Variants in TBC1D2 observed in about 807,000 individuals in gnomAD.
TBC1D2 encodes the protein TBC1 domain family member 2A.
In TBC1D2, 58 loss-of-function variants were observed where a neutral mutation model predicts 91.1. The observed-to-expected ratio is 0.64, with a 90% confidence interval of 0.52 to 0.79. The LOEUF (loss-of-function observed/expected upper bound fraction) is 0.79, where lower values mean the gene tolerates loss of function less well. Ranked by LOEUF, TBC1D2 falls within the 30% of genes least tolerant of loss-of-function variation. The pLI is 0.00. For synonymous variants in TBC1D2, 482 were observed against 511.5 expected (o/e 0.94, Z 0.78); for missense variants, 1,080 against 1,208.3 (o/e 0.89, Z 1.57).
chr9:98,219,475 T>G (rs7041802), intron 6 of TBC1D2, among the ~76,000 whole-genome samples: 60,720 of 152,078 alleles, frequency 0.4, 12,377 homozygotes, highest in African/African-American at 0.43. Context: ...GTGGCTTAAT[T>G]ATGAGGATAC....
intron 3 of TBC1D2, among the ~76,000 whole-genome samples, chr9:98,241,438 T>C (rs1829633688): frequency 6.6e-6 from 1 of 152,126 alleles, no homozygotes; most frequent in Admixed American, 6.5e-5. Flanking sequence ...CACAAGGGTG[T>C]AGGACACAAA....
chr9:98,206,569 C>T (rs1429293004), intron 9 of TBC1D2, among the ~76,000 whole-genome samples: 1 of 152,144 alleles, frequency 6.6e-6, no homozygotes, highest in Non-Finnish European at 1.5e-5. Context: ...GAGAAGGTTA[C>T]ATCCACATAG....
intron 7 of TBC1D2, among the ~76,000 whole-genome samples, chr9:98,211,765 C>T (rs1828846748): frequency 6.6e-6 from 1 of 151,920 alleles, no homozygotes; most frequent in Non-Finnish European, 1.5e-5. Flanking sequence ...GGGCTGCTTC[C>T]TGAGTCCCAT....
intron 6 of TBC1D2, among the ~76,000 whole-genome samples, chr9:98,217,411 GCTGCCTGAC>G (rs1223661853): frequency 1.2e-4 from 19 of 152,364 alleles, no homozygotes; most frequent in South Asian, 4.1e-4. Context: ...CCTGCCTCTT[GCTGCCTGAC>G]CCTGGGCCAG....
rs1386827032 is a variant in TBC1D2, at chr9:98,244,116, T to C, written c.525A>G (p.Ala175=). The part of the protein sequence containing the change: ...VLHLELGQEE[A]ELEEFLCPVK... Reference sequence around the variant, plus strand: ...CAGGGCACAGGAACTCCTCCAGCTCTGCCTCTTCTTGCCCTGGGAACAAAG... The same window carrying C: ...CAGGGCACAGGAACTCCTCCAGCTCCGCCTCTTCTTGCCCTGGGAACAAAG... The change falls in exon 3 of 13, where the codon GCA becomes GCG. Residue 175 remains alanine, a synonymous_variant. Transcript: ENST00000465784. The C allele has an allele frequency of 6.2e-7, 1 of 1,613,100 alleles. No individual in the cohort carries two copies.
intron 3 of TBC1D2, among the ~76,000 whole-genome samples, chr9:98,233,864 C>G (rs1004274625): frequency 5.9e-5 from 9 of 152,226 alleles, no homozygotes; most frequent in African/African-American, 2.2e-4. Flanking sequence ...GTTTTGTTAA[C>G]TGATGCACCT....
At chr9:98,242,858 G>A (rs978971206) in intron 3 of TBC1D2, among the ~76,000 whole-genome samples, 1 of 135,980 alleles carries the variant, frequency 7.4e-6, no homozygotes, top group Admixed American at 7.9e-5. Flanking sequence ...TGTTGCTCAG[G>A]CTAGGATGAA....
chr9:98,208,236 G>A (rs1828707393), intron 9 of TBC1D2, among the ~76,000 whole-genome samples: 1 of 152,096 alleles, frequency 6.6e-6, no homozygotes, highest in South Asian at 2.1e-4. Flanking sequence ...GGGAACCTAG[G>A]CTCATGTCTT....
At chr9:98,254,281 C>T (rs1358134506) in intron 1 of TBC1D2, among the ~76,000 whole-genome samples, 1 of 150,086 alleles carries the variant, frequency 6.7e-6, no homozygotes, top group African/African-American at 2.5e-5. Flanking sequence ...GACACCTCCT[C>T]TTGACATTAG....
chr9:98,201,548 G>A lies in TBC1D2; in HGVS notation c.2388C>T (p.Val796=). The stretch of plus-strand genomic sequence containing the variant: ...TGTTGCTAATGAGACTGTCCGCAAA[G>A]ACCACGAGGAACCAGTTGAAGGTGA... ...SLVTFNWFLV[V]FADSLISNIL... is the part of the protein sequence containing the mutation. The change falls in exon 11 of 13, where the codon GTC becomes GTT. Residue 796 remains valine (V), a synonymous_variant. Coordinates refer to ENST00000465784, the MANE Select transcript of TBC1D2 (RefSeq NM_001267571.2). The A allele has an allele frequency of 6.2e-7, 1 of 1,614,172 alleles. No homozygotes were observed. Among genetic ancestry groups the A allele is most frequent in the African/African-American group, 1.3e-5 (1 of 75,048 alleles).
chr9:98,207,066 G>T (rs10818610), intron 9 of TBC1D2, among the ~76,000 whole-genome samples: 1 of 152,002 alleles, frequency 6.6e-6, no homozygotes. Flanking sequence ...TGTGGCAGAC[G>T]TTTAGTGTGG....
At chr9:98,235,651 G>A in intron 3 of TBC1D2, 1 of 347,298 alleles carries the variant, frequency 2.9e-6, no homozygotes, top group South Asian at 2.3e-5. Context: ...CCAAAATACG[G>A]TCCTTCCTAA....
chr9:98,232,334 C>CTTTTTTTTTTTTTTTTTTT (rs1564251655), intron 4 of TBC1D2, among the ~76,000 whole-genome samples: 1 of 62,916 alleles, frequency 1.6e-5, no homozygotes, highest in Admixed American at 1.5e-4. Context: ...TCTTCTTTCT[C>CTTTTTTTTTTTTTTTTTTT]TTTTTCTGTT....
intron 5 of TBC1D2, among the ~76,000 whole-genome samples, chr9:98,227,799 A>G (rs368273841): frequency 2.1e-5 from 3 of 141,250 alleles, no homozygotes; most frequent in South Asian, 2.2e-4. Context: ...AAAAAAAAAA[A>G]GTAACTTCTG....
At chr9:98,209,745 T>C (rs1200648048) in intron 8 of TBC1D2, among the ~76,000 whole-genome samples, 7 of 126,832 alleles carry the variant, frequency 5.5e-5, no homozygotes, top group Admixed American at 1.7e-4. Flanking sequence ...TTCTTTCCTT[T>C]CCTTCCTTCC....
rs778780594 is a variant in TBC1D2 at position 98,243,960 on chromosome 9, G to C, written c.647+34C>G. The C allele has an allele frequency of 9.5e-6, 15 of 1,582,656 alleles. No homozygotes were observed. In the East Asian group the frequency reaches 1.4e-4, roughly 14 times the overall value. On this transcript the variant is annotated intron_variant, in intron 3 of 12. Transcript: ENST00000465784. ...AGCTCCACTGAAGGGGCTGCCTGCA[G>C]CTTGGCTAGCCCCTCAGCTCCACTG...
chr9:98,213,523 C>A lies in TBC1D2; in HGVS notation c.1375-305G>T, dbSNP rs183744029. ...TCTGTTTCCTCATCTGTAAAAGGGG[C>A]AAATACCAACTAACCTACTGGGCAG... On this transcript the variant is annotated intron_variant, in intron 6 of 12. Coordinates refer to ENST00000465784, the MANE Select transcript of TBC1D2 (RefSeq NM_001267571.2). The A allele has an allele frequency of 4.4e-6, 3 of 679,124 alleles. No individual in the cohort carries two copies. The East Asian group carries it at 1.8e-4, about 40-fold the overall frequency. 42.1% of individuals were successfully genotyped at this position (679,124 alleles called of 1,614,324 possible).
chr9:98,252,218 C>T (rs1291682931), intron 1 of TBC1D2, among the ~76,000 whole-genome samples: 1 of 152,188 alleles, frequency 6.6e-6, no homozygotes, highest in East Asian at 1.9e-4. Flanking sequence ...GGGTATCACA[C>T]AGTATCTGAC....
chr9:98,255,440 C>G lies in TBC1D2; in HGVS notation c.102G>C (p.Ser34=). ...DPQVPPPEEE[S]GDCARSLEAV... Reference sequence around the variant, plus strand: ...CCTCCAGGGACCGGGCGCAGTCCCCCGATTCTTCCTCCGGAGGCGGCACCT... The same window carrying G: ...CCTCCAGGGACCGGGCGCAGTCCCCGGATTCTTCCTCCGGAGGCGGCACCT... Residue 34 remains serine, a synonymous_variant, in exon 1 of 13, where the codon TCG becomes TCC. Transcript: ENST00000465784. 1.9e-6 allele frequency: 3 copies of G among 1,606,418 alleles called. No individual in the cohort carries two copies. Among genetic ancestry groups the G allele is most frequent in the Non-Finnish European group, 2.6e-6 (3 of 1,174,836 alleles).
Sources: allele counts gnomAD v4.1 joint callset (sites outside exome capture counted in the v4.1 genomes callset), GRCh38; gene constraint gnomAD v4.1.1; transcripts MANE v1.5; gene names NCBI Gene and HGNC (gene_info 2026-07-23, HGNC 2026-07-21).